The following MDGA2 variants were observed in gnomAD, a reference collection of about 807,000 sequenced individuals.
MDGA2 encodes MAM domain-containing glycosylphosphatidylinositol anchor protein 2.
Under a neutral mutation model 117.8 loss-of-function variants are expected in MDGA2, and 40 were observed. The ratio of observed to expected loss-of-function variants is 0.34; its 90% CI spans 0.26 to 0.44. The LOEUF (loss-of-function observed/expected upper bound fraction) is 0.44. Ranked by LOEUF, MDGA2 falls within the 20% of genes least tolerant of loss-of-function variation. The pLI, the probability that MDGA2 is intolerant of heterozygous loss-of-function variation, is 1.00. For missense variants in MDGA2, 1,123 were observed against 1,250.6 expected (o/e 0.90, Z 1.54); for synonymous variants, 452 against 439.0 (o/e 1.03, Z -0.37).
Position 47,007,372 on chromosome 14 carries a change from G to C in MDGA2, c.1819+27639C>G, listed in dbSNP as rs545975009. On this transcript the variant is annotated intron_variant, in intron 8 of 16. Transcript: ENST00000399232. The stretch of plus-strand genomic sequence containing the variant: ...AATTGAAGTTTGAGATTTCATGTTG[G>C]GTGTCCACCATGGCTTGATATGTTT... Among the ~76,000 whole-genome samples, 5 of 151,792 alleles carry C rather than the reference G, an allele frequency of 3.3e-5. No homozygotes were observed. In the South Asian group the frequency reaches 8.3e-4, roughly 25 times the overall value.
chr14:47,340,096 G>C (rs774031964), intron 1 of MDGA2, among the ~76,000 whole-genome samples: 34 of 152,116 alleles, frequency 2.2e-4, no homozygotes, highest in Non-Finnish European at 8.8e-5. Flanking sequence ...AGGAAAAATA[G>C]CATTGCAGTG....
At chr14:47,492,909 C>A (rs1027254258) in intron 1 of MDGA2, among the ~76,000 whole-genome samples, 1 of 151,896 alleles carries the variant, frequency 6.6e-6, no homozygotes, top group Non-Finnish European at 1.5e-5. Flanking sequence ...AAGTATCAAG[C>A]CAAAAACCAG....
At chr14:47,608,211 G>A (rs1223071575) in intron 1 of MDGA2, among the ~76,000 whole-genome samples, 1 of 151,978 alleles carries the variant, frequency 6.6e-6, no homozygotes, top group East Asian at 1.9e-4. Context: ...ATAGACACTG[G>A]CTTAGGAATA....
intron 1 of MDGA2, among the ~76,000 whole-genome samples, chr14:47,302,805 A>G (rs1485668847): frequency 6.6e-6 from 1 of 152,182 alleles, no homozygotes; most frequent in Non-Finnish European, 1.5e-5. Context: ...GTCTACCCAT[A>G]GAGCTTAATA....
At position 47,061,337 on chromosome 14, in the gene MDGA2, C is replaced by T. The variant is rs776675809; in HGVS notation, c.1437G>A (p.Thr479=). ...TNLDIIDLKF[T]DFGTYTCVAS... is the part of the protein sequence containing the mutation. ...CTACACATGTGTACGTCCCAAAATC[C>T]GTGAATTTTAAATCAATGATGTCCA... The change falls in exon 7 of 17, where the codon ACG becomes ACA. Residue 479 remains threonine, a synonymous_variant. Transcript: ENST00000399232. 1.8e-5 allele frequency: 29 copies of T among 1,613,430 alleles called. No individual in the cohort carries two copies. In the South Asian group the frequency reaches 2.7e-4, roughly 15 times the overall value.
intron 1 of MDGA2, among the ~76,000 whole-genome samples, chr14:47,447,207 C>CT (rs1354677505): frequency 6.6e-6 from 1 of 152,142 alleles, no homozygotes; most frequent in African/African-American, 2.4e-5. Context: ...GAAGGTAATA[C>CT]TTTCCCGCAT....
intron 1 of MDGA2, among the ~76,000 whole-genome samples, chr14:47,492,427 A>G (rs1486178316): frequency 2.0e-5 from 3 of 152,014 alleles, no homozygotes; most frequent in Non-Finnish European, 4.4e-5. Flanking sequence ...ACTCTCAATG[A>G]GTTTATAATG....
At chr14:47,596,468 G>C (rs1896544525) in intron 1 of MDGA2, among the ~76,000 whole-genome samples, 1 of 151,974 alleles carries the variant, frequency 6.6e-6, no homozygotes, top group African/African-American at 2.4e-5. Context: ...TATATTCAGG[G>C]ACCACAGTAA....
chr14:46,874,934 A>G (rs1157948388), intron 12 of MDGA2, among the ~76,000 whole-genome samples: 1 of 151,706 alleles, frequency 6.6e-6, no homozygotes, highest in Non-Finnish European at 1.5e-5. Flanking sequence ...TCTAGGTATC[A>G]AAGGTTTTCT....
chr14:47,126,186 T>C (rs974549989), intron 5 of MDGA2, among the ~76,000 whole-genome samples: 11 of 152,032 alleles, frequency 7.2e-5, no homozygotes, highest in African/African-American at 2.7e-4. Flanking sequence ...TTTGAATTTA[T>C]GCTCCCAGGT....
At chr14:46,958,438 A>G (rs764622720) in intron 8 of MDGA2, among the ~76,000 whole-genome samples, 1 of 152,236 alleles carries the variant, frequency 6.6e-6, no homozygotes, top group Non-Finnish European at 1.5e-5. Context: ...GAGGTCTTCT[A>G]AAATTTTTAA....
At position 47,243,591 on chromosome 14, in the gene MDGA2, C is replaced by T. The variant is rs1887140683; in HGVS notation, c.421-25396G>A. 2.0e-5 allele frequency among the ~76,000 whole-genome samples: 3 copies of T among 151,262 alleles called. No individual in the cohort carries two copies. The South Asian group carries it at 6.3e-4, about 32-fold the overall frequency. On this transcript the variant is annotated intron_variant, in intron 2 of 16. Transcript: ENST00000399232. ...GGAACGAGCAACTCCAGACGCGCTA[C>T]CTTAAGAGCTGTAACACTCACCACG...
At chr14:47,540,105 CG>C (rs1246946801) in intron 1 of MDGA2, among the ~76,000 whole-genome samples, 1 of 152,154 alleles carries the variant, frequency 6.6e-6, no homozygotes, top group African/African-American at 2.4e-5. Context: ...CTCCGCCCCC[CG>C]GGGTTCACGC....
chr14:47,320,607 T>A (rs538282365), intron 1 of MDGA2, among the ~76,000 whole-genome samples: 1 of 152,202 alleles, frequency 6.6e-6, no homozygotes, highest in Admixed American at 6.5e-5. Context: ...CTCCATCCTG[T>A]CTCCTCCCTT....
At chr14:46,925,674 A>G (rs1159104934) in intron 9 of MDGA2, among the ~76,000 whole-genome samples, 1 of 151,368 alleles carries the variant, frequency 6.6e-6, no homozygotes, top group Non-Finnish European at 1.5e-5. Context: ...TTATAAGTAT[A>G]CTTAATAAGA....
intron 2 of MDGA2, among the ~76,000 whole-genome samples, chr14:47,236,527 C>CA (rs1271356396): frequency 2.0e-5 from 3 of 151,938 alleles, no homozygotes; most frequent in Non-Finnish European, 4.4e-5. Context: ...CCTTTTAAAA[C>CA]AAAACAAAAA....
intron 10 of MDGA2, among the ~76,000 whole-genome samples, chr14:46,894,150 A>G (rs527669360): frequency 6.6e-6 from 1 of 152,190 alleles, no homozygotes; most frequent in Non-Finnish European, 1.5e-5. Flanking sequence ...TTTAATTTAA[A>G]TCTTATAAAA....
Position 47,597,775 on chromosome 14 carries a change from T to C in MDGA2, c.280+76742A>G, listed in dbSNP as rs1052378557. On this transcript the variant is annotated intron_variant, in intron 1 of 16. Coordinates refer to ENST00000399232, the MANE Select transcript of MDGA2 (RefSeq NM_001113498.3). ...CTTTAAAAAATATAGTCAATTATAG[T>C]TTATTTTAGAGAGAGTTAAATATAT... Among the ~76,000 whole-genome samples the C allele has an allele frequency of 2.6e-5, 4 of 151,558 alleles. No homozygotes were observed. The Admixed American group carries it at 2.6e-4, about 10-fold the overall frequency.
intron 6 of MDGA2, among the ~76,000 whole-genome samples, chr14:47,072,636 T>C (rs1052368119): frequency 1.1e-3 from 174 of 152,302 alleles, no homozygotes; most frequent in African/African-American, 4.0e-3. Flanking sequence ...AGGCAAGTTA[T>C]TGGATGACAC....
Sources: gnomAD v4.1 joint callset for allele counts (sites outside exome capture counted in the v4.1 genomes callset) on GRCh38, gnomAD v4.1.1 for gene constraint, MANE v1.5 for transcripts, NCBI Gene and HGNC (gene_info 2026-07-23, HGNC 2026-07-21) for gene names.